Variants in TENM3 observed in about 807,000 individuals in gnomAD.
The protein encoded by TENM3 is teneurin transmembrane protein 3, also known as teneurin-3.
In TENM3, 63 loss-of-function variants were observed where a neutral mutation model predicts 255.1. That is an observed-to-expected ratio of 0.25 (90% CI 0.20 to 0.30). The LOEUF (loss-of-function observed/expected upper bound fraction) is 0.30, where lower values mean the gene tolerates loss of function less well. TENM3 is among the 10% of genes least tolerant of loss of function. The pLI, the probability that TENM3 is intolerant of heterozygous loss-of-function variation, is 1.00. For missense variants in TENM3, 2,929 were observed against 3,461.1 expected, an observed-to-expected ratio of 0.85 and a Z score of 3.86; for synonymous variants, 1,306 against 1,322.3, an observed-to-expected ratio of 0.99 and a Z score of 0.27.
the TENM3 span, among the ~76,000 whole-genome samples, chr4:181,731,257 A>T: frequency 6.6e-6 from 1 of 152,330 alleles, no homozygotes; most frequent in Middle Eastern, 3.4e-3. Flanking sequence ...AATTCCTGCT[A>T]AATTTTAATA....
the TENM3 span, among the ~76,000 whole-genome samples, chr4:182,014,053 CGTGTATATACGT>C: frequency 1.0e-3 from 37 of 36,216 alleles, no homozygotes; most frequent in East Asian, 2.9e-3. Context: ...CGTATATATA[CGTGTATATACGT>C]ATATACACAT....
At chr4:182,014,035 CATATATACGTATATATACGT>C in the TENM3 span, among the ~76,000 whole-genome samples, 3 of 38,656 alleles carry the variant, frequency 7.8e-5, no homozygotes, top group Admixed American at 4.4e-4. Flanking sequence ...CGTATATACA[CATATATACGTATATATACGT>C]GTATATACGT....
chr4:181,975,921 G>A, the TENM3 span: 3 of 152,124 alleles, frequency 2.0e-5, no homozygotes, highest in East Asian at 5.8e-4. Context: ...GAAAATCAAG[G>A]TGTCAGCAAG....
At chr4:182,161,835 A>ATATATG in intron 1 of TENM3, among the ~76,000 whole-genome samples, 940 of 39,416 alleles carry the variant, frequency 0.024, 218 homozygotes, top group African/African-American at 0.059. Flanking sequence ...ACACATATAT[A>ATATATG]TGTGTATATA....
rs545107737 is a variant in TENM3 at position 182,170,377 on chromosome 4, G to A, written c.-76+25623G>A. Among the ~76,000 whole-genome samples, 6 of 152,252 alleles carry A rather than the reference G, an allele frequency of 3.9e-5. No individual in the cohort carries two copies. In the South Asian group the frequency reaches 1.2e-3, roughly 32 times the overall value. The stretch of plus-strand genomic sequence containing the variant: ...CTAAACTATTATGGTGTAATCCAGT[G>A]TATTTGCTTTGCAAGTAGCACCTTT... On this transcript the variant is annotated intron_variant, in intron 1 of 2. Transcript: ENST00000512480.
intron 3 of TENM3, among the ~76,000 whole-genome samples, chr4:182,353,426 A>T (rs1196227833): frequency 6.6e-6 from 1 of 152,194 alleles, no homozygotes; most frequent in Non-Finnish European, 1.5e-5. Flanking sequence ...GTGCACTAGA[A>T]TGTCAAAAAT....
intron 13 of TENM3, among the ~76,000 whole-genome samples, chr4:182,727,359 G>A (rs1468805767): frequency 2.0e-5 from 3 of 149,996 alleles, no homozygotes; most frequent in African/African-American, 7.4e-5. Context: ...AGGAGGCTGA[G>A]GCAGGAGAAT....
At chr4:182,269,953 A>C (rs1759506020) in intron 1 of TENM3, among the ~76,000 whole-genome samples, 1 of 152,172 alleles carries the variant, frequency 6.6e-6, no homozygotes, top group South Asian at 2.1e-4. Flanking sequence ...TAGCCCAGAA[A>C]GTTGGGGCAT....
rs138206027 is a variant in TENM3, at chr4:182,296,193, C to T, written c.-75-27753C>T. Among the ~76,000 whole-genome samples, 166 of 152,218 alleles carry T rather than the reference C, an allele frequency of 1.1e-3. 1 individual carries two copies. In the East Asian group the frequency reaches 0.024, roughly 22 times the overall value. The stretch of plus-strand genomic sequence containing the variant: ...GGTCAGGCTGGTCTCGAACTCCCGA[C>T]CTCAGATGATTCGCCCACCTTGGCC... On this transcript the variant is annotated intron_variant, in intron 1 of 27. Coordinates refer to ENST00000511685, the MANE Select transcript of TENM3 (RefSeq NM_001080477.4).
At chr4:182,764,870 A>G (rs1763547688) in intron 22 of TENM3, among the ~76,000 whole-genome samples, 1 of 152,190 alleles carries the variant, frequency 6.6e-6, no homozygotes, top group African/African-American at 2.4e-5. Context: ...ATGTAAGGAT[A>G]GATTTAAGGT....
intron 1 of TENM3, among the ~76,000 whole-genome samples, chr4:182,169,920 A>AT (rs1158085734): frequency 8.6e-5 from 13 of 151,892 alleles, no homozygotes; most frequent in African/African-American, 2.4e-5. Context: ...GAAAGTAAAC[A>AT]TTTTTTATAA....
intron 3 of TENM3, among the ~76,000 whole-genome samples, chr4:182,470,509 T>C (rs1403339995): frequency 1.3e-5 from 2 of 152,178 alleles, no homozygotes; most frequent in Non-Finnish European, 2.9e-5. Context: ...GAATAGGATG[T>C]ATGTAGAATT....
intron 3 of TENM3, among the ~76,000 whole-genome samples, chr4:182,349,433 T>G (rs1379539835): frequency 6.6e-6 from 1 of 152,224 alleles, no homozygotes; most frequent in East Asian, 1.9e-4. Flanking sequence ...TCATTTAATG[T>G]AATTAATTAC....
the TENM3 span, among the ~76,000 whole-genome samples, chr4:181,895,118 A>G: frequency 2.0e-5 from 3 of 151,950 alleles, no homozygotes; most frequent in African/African-American, 7.3e-5. Context: ...TCATTCTAAT[A>G]AGCAGGAAGT....
chr4:182,345,941 T>TG (rs1764770169), intron 2 of TENM3, among the ~76,000 whole-genome samples: 1 of 152,140 alleles, frequency 6.6e-6, no homozygotes, highest in Admixed American at 6.5e-5. Flanking sequence ...TCAATACAGA[T>TG]GTTTTCAGGT....
At chr4:182,719,511 G>A (rs1004996148) in intron 13 of TENM3, among the ~76,000 whole-genome samples, 25 of 151,742 alleles carry the variant, frequency 1.6e-4, no homozygotes, top group Non-Finnish European at 2.5e-4. Context: ...CGCCCCCCTC[G>A]GCCTCCCAAA....
intron 1 of TENM3, among the ~76,000 whole-genome samples, chr4:182,272,207 C>T (rs557406170): frequency 1.9e-4 from 29 of 152,252 alleles, no homozygotes; most frequent in Admixed American, 9.8e-4. Context: ...TCCATAATAA[C>T]GACTTACTTA....
intron 3 of TENM3, among the ~76,000 whole-genome samples, chr4:182,574,884 C>T (rs1744770981): frequency 6.6e-6 from 1 of 152,116 alleles, no homozygotes; most frequent in Non-Finnish European, 1.5e-5. Flanking sequence ...TTTCCTGTCA[C>T]CTCGGTGACA....
At chr4:181,605,540 A>T in the TENM3 span, among the ~76,000 whole-genome samples, 5,252 of 33,528 alleles carry the variant, frequency 0.16, 777 homozygotes, top group Non-Finnish European at 0.24. Context: ...GAAAGAAAGA[A>T]AGAAAGAAAG....
Sources: gnomAD v4.1 joint callset for allele counts (sites outside exome capture counted in the v4.1 genomes callset) on GRCh38, gnomAD v4.1.1 for gene constraint, MANE v1.5 for transcripts, NCBI Gene and HGNC (gene_info 2026-07-23, HGNC 2026-07-21) for gene names.